MRC1: variants seen among roughly 807,000 people sequenced by gnomAD.
MRC1 encodes the protein mannose receptor C-type 1.
Under a neutral mutation model 102.9 loss-of-function variants are expected in MRC1, and 62 were observed. The observed-to-expected ratio is 0.60, with a 90% CI of 0.49 to 0.74. The LOEUF (loss-of-function observed/expected upper bound fraction) is 0.74, where lower values mean the gene tolerates loss of function less well. Among genes scored for constraint, MRC1 ranks in the 30% least tolerant of loss-of-function variants. The pLI is 0.00. For missense variants in MRC1, 1,237 were observed against 862.8 expected, an observed-to-expected ratio of 1.43 and a Z score of -5.43; for synonymous variants, 457 against 298.4, an observed-to-expected ratio of 1.53 and a Z score of -5.48.
rs973991787 is a variant in MRC1 at position 17,863,296 on chromosome 10, G to A, written c.1635-238G>A. Among the ~76,000 whole-genome samples the A allele has an allele frequency of 1.2e-3, 183 of 152,246 alleles. 1 individual carries two copies. Among genetic ancestry groups the A allele is most frequent in the African/African-American group, 4.2e-3 (173 of 41,548 alleles). On this transcript the variant is annotated intron_variant, in intron 10 of 29. Transcript: ENST00000569591. ...GGTGAGGGCTAGAGGGAGATGGTTT[G>A]AGTATCTCCGAATGATTTTATATAC...
At chr10:17,814,735 G>C (rs1361256349) in intron 1 of MRC1, among the ~76,000 whole-genome samples, 1 of 145,518 alleles carries the variant, frequency 6.9e-6, no homozygotes, top group Non-Finnish European at 1.5e-5. Flanking sequence ...GCCCAGGCTG[G>C]AGTGCAGTGG....
rs922919088 is a variant in MRC1 at position 17,866,977 on chromosome 10, C to T, written c.1983+216C>T. Among the ~76,000 whole-genome samples, 249 of 152,230 alleles carry T rather than the reference C, an allele frequency of 1.6e-3. 2 individuals are homozygous for T. Among genetic ancestry groups the T allele is most frequent in the South Asian group, 0.016 (78 of 4,818 alleles). ...CCACAAATACAACCAACAACATAAA[C>T]ACAACTCACAGAAGTTTTTTCTCAC... is the stretch of plus-strand genomic sequence containing the variant. On this transcript the variant is annotated intron_variant, in intron 12 of 29. Coordinates refer to ENST00000569591, the MANE Select transcript of MRC1 (RefSeq NM_002438.4).
At chr10:17,879,215 G>A (rs1163727573) in intron 18 of MRC1, among the ~76,000 whole-genome samples, 1 of 152,126 alleles carries the variant, frequency 6.6e-6, no homozygotes, top group East Asian at 1.9e-4. Context: ...AAGGTAGCCT[G>A]GACATGGCAT....
chr10:17,839,315 A>G (rs1291215803), intron 4 of MRC1, among the ~76,000 whole-genome samples: 2 of 152,214 alleles, frequency 1.3e-5, no homozygotes, highest in East Asian at 1.9e-4. Context: ...CGAATTATTT[A>G]TAATTTTTAA....
intron 4 of MRC1, among the ~76,000 whole-genome samples, chr10:17,834,099 G>C (rs1215779219): frequency 1.3e-5 from 2 of 152,198 alleles, no homozygotes; most frequent in East Asian, 1.9e-4. Context: ...TCTAGAATCA[G>C]AGTAAAAGAT....
intron 12 of MRC1, among the ~76,000 whole-genome samples, chr10:17,868,646 A>G (rs1833312801): frequency 6.6e-6 from 1 of 152,202 alleles, no homozygotes; most frequent in African/African-American, 2.4e-5. Flanking sequence ...ATCTCTTTGA[A>G]TGGCATATGG....
At chr10:17,849,488 G>C in intron 6 of MRC1, 91 bp from the exon 7 acceptor site, 1 of 702,990 alleles carries the variant, frequency 1.4e-6, no homozygotes, top group East Asian at 2.7e-5. Flanking sequence ...ACTATAAGCT[G>C]TTTCATGTAT....
intron 10 of MRC1, among the ~76,000 whole-genome samples, chr10:17,862,560 G>A (rs1589183114): frequency 1.3e-5 from 2 of 152,062 alleles, no homozygotes; most frequent in African/African-American, 4.8e-5. Flanking sequence ...TTTTCCTTGT[G>A]TATCTTCTGT....
At position 17,897,990 on chromosome 10, in the gene MRC1, T is replaced by C. The variant is rs35511087; in HGVS notation, c.3251-44T>C. ...CTTATCATTACTGATAAGGCTCAATTACTGTTTATTGATAATGCTAATGAA... is the reference window on the plus strand; with the variant it reads ...CTTATCATTACTGATAAGGCTCAATCACTGTTTATTGATAATGCTAATGAA... On this transcript the variant is annotated intron_variant, in intron 23 of 29. Transcript: ENST00000569591. 0.019 allele frequency: 14,921 copies of C among 780,718 alleles called. 1,455 individuals carry two copies. The African/African-American group carries it at 0.22, about 11-fold the overall frequency. The allele number at this position is 780,718 out of a possible 1,614,324, so 48.4% of individuals were successfully genotyped here.
Position 17,907,017 on chromosome 10 carries a change from C to G in MRC1, c.3913+18C>G. ...TGTTGAAGGTAATTTTTGCAGCATG[C>G]TTATTTAATCACAAATATTGTAAAA... On this transcript the variant is annotated intron_variant, in intron 27 of 29. Transcript: ENST00000569591. 1 of 780,276 alleles carries G rather than the reference C, an allele frequency of 1.3e-6. No homozygotes were observed. 48.3% of individuals were successfully genotyped at this position (780,276 alleles called of 1,614,324 possible).
intron 12 of MRC1, among the ~76,000 whole-genome samples, chr10:17,869,083 T>C (rs890908245): frequency 6.6e-6 from 1 of 152,180 alleles, no homozygotes; most frequent in African/African-American, 2.4e-5. Flanking sequence ...GGGGCTTCAG[T>C]AGGGAGAATT....
At chr10:17,881,816 C>T (rs1833523046) in intron 21 of MRC1, among the ~76,000 whole-genome samples, 1 of 139,448 alleles carries the variant, frequency 7.2e-6, no homozygotes, top group African/African-American at 2.7e-5. Flanking sequence ...CCACAATGCT[C>T]GCCTAATATT....
chr10:17,853,269 G>T (rs1403093027), intron 8 of MRC1, 145 bp downstream of exon 8: 1 of 690,350 alleles, frequency 1.4e-6, no homozygotes, highest in Non-Finnish European at 2.7e-6. Context: ...ATTCAGATTT[G>T]ATTTCTTGAA....
chr10:17,852,453 G>A (rs933629877), intron 7 of MRC1, among the ~76,000 whole-genome samples: 7,093 of 152,090 alleles, frequency 0.047, 379 homozygotes, highest in African/African-American at 0.13. Context: ...GATCTTTAAC[G>A]GAAGTATCTA....
chr10:17,841,874 T>TG (rs1838757960), intron 5 of MRC1, among the ~76,000 whole-genome samples: 1 of 152,126 alleles, frequency 6.6e-6, no homozygotes, highest in Non-Finnish European at 1.5e-5. Context: ...TATAATACGG[T>TG]GTTCTTCAGA....
At chr10:17,869,062 G>A (rs1224033361) in intron 12 of MRC1, among the ~76,000 whole-genome samples, 2 of 152,184 alleles carry the variant, frequency 1.3e-5, no homozygotes, top group African/African-American at 4.8e-5. Context: ...CCAGAGCAGA[G>A]AAGGGTATCA....
At chr10:17,860,248 T>C (rs1429471735) in intron 9 of MRC1, among the ~76,000 whole-genome samples, 2 of 151,614 alleles carry the variant, frequency 1.3e-5, no homozygotes, top group Non-Finnish European at 2.9e-5. Context: ...TTTTCATTTA[T>C]TGTTATGTTT....
At chr10:17,812,946 C>T (rs1330868189) in intron 1 of MRC1, among the ~76,000 whole-genome samples, 1 of 152,048 alleles carries the variant, frequency 6.6e-6, no homozygotes, top group Non-Finnish European at 1.5e-5. Flanking sequence ...GGAAGGCGCT[C>T]AAACAGTGGG....
intron 7 of MRC1, among the ~76,000 whole-genome samples, 197 bp from the exon 8 acceptor site, chr10:17,852,770 A>G (rs1038051275): frequency 5.9e-5 from 9 of 152,192 alleles, no homozygotes; most frequent in Admixed American, 6.5e-5. Flanking sequence ...TAAAACTAAC[A>G]AGGTAAAATG....
Sources: gnomAD v4.1 joint callset for allele counts (sites outside exome capture counted in the v4.1 genomes callset) on GRCh38, gnomAD v4.1.1 for gene constraint, MANE v1.5 for transcripts, NCBI Gene and HGNC (gene_info 2026-07-23, HGNC 2026-07-21) for gene names.